EPHB1: variants seen among roughly 807,000 people sequenced by gnomAD.
EPHB1 encodes the protein EPH receptor B1, also known as ephrin type-B receptor 1.
Under a neutral mutation model 94.4 loss-of-function variants are expected in EPHB1, and 30 were observed. The ratio of observed to expected loss-of-function variants is 0.32; its 90% CI spans 0.24 to 0.43. The LOEUF (loss-of-function observed/expected upper bound fraction) is 0.43, where lower values mean the gene tolerates loss of function less well. EPHB1 is among the 20% of genes least tolerant of loss of function. The probability of loss-of-function intolerance (pLI) is 1.00; values close to 1 mark genes in which losing one functional copy is unlikely to be tolerated. For synonymous variants in EPHB1, 522 were observed against 489.1 expected, an observed-to-expected ratio of 1.07 and a Z score of -0.89; for missense variants, 1,055 against 1,308.3, an observed-to-expected ratio of 0.81 and a Z score of 2.99.
At chr3:135,230,233 C>T (rs929399549) in intron 12 of EPHB1, among the ~76,000 whole-genome samples, 4 of 152,192 alleles carry the variant, frequency 2.6e-5, no homozygotes, top group Non-Finnish European at 4.4e-5. Context: ...GTTCCATGGT[C>T]CTCCATGCCA....
chr3:135,136,325 A>G (rs899713907), intron 5 of EPHB1, among the ~76,000 whole-genome samples: 2 of 152,182 alleles, frequency 1.3e-5, no homozygotes, highest in African/African-American at 2.4e-5. Flanking sequence ...ATCTTCTCCC[A>G]TCATGACCCC....
intron 1 of EPHB1, among the ~76,000 whole-genome samples, chr3:134,799,811 A>G (rs2035902191): frequency 1.3e-5 from 2 of 152,210 alleles, no homozygotes. Context: ...AGAAAAGCCC[A>G]TGAGGCAGAG....
intron 9 of EPHB1, among the ~76,000 whole-genome samples, chr3:135,168,029 C>T (rs747246567): frequency 6.6e-6 from 1 of 152,204 alleles, no homozygotes; most frequent in Non-Finnish European, 1.5e-5. Flanking sequence ...CTAAGGTTAC[C>T]CAAGGCGGGA....
At chr3:135,155,683 G>A (rs1030451620) in intron 6 of EPHB1, among the ~76,000 whole-genome samples, 15 of 143,404 alleles carry the variant, frequency 1.0e-4, no homozygotes, top group African/African-American at 3.4e-4. Context: ...CAGGCTACTC[G>A]GGAGGCTGAG....
intron 1 of EPHB1, among the ~76,000 whole-genome samples, chr3:134,819,821 C>A (rs777506080): frequency 2.0e-5 from 3 of 152,300 alleles, no homozygotes; most frequent in Non-Finnish European, 4.4e-5. Flanking sequence ...TCTTTTCTAG[C>A]CCGGTCTTGC....
At chr3:134,821,290 T>G (rs1420030375) in intron 1 of EPHB1, among the ~76,000 whole-genome samples, 2 of 152,180 alleles carry the variant, frequency 1.3e-5, no homozygotes, top group African/African-American at 4.8e-5. Context: ...AACACCCTCA[T>G]GGAAGCACAC....
At chr3:135,168,615 T>C (rs912016476) in intron 9 of EPHB1, among the ~76,000 whole-genome samples, 1 of 152,176 alleles carries the variant, frequency 6.6e-6, no homozygotes, top group African/African-American at 2.4e-5. Flanking sequence ...GATGGTGCAC[T>C]CACCAGGGTG....
intron 11 of EPHB1, among the ~76,000 whole-genome samples, chr3:135,198,105 T>C (rs1227515082): frequency 1.3e-5 from 2 of 152,182 alleles, no homozygotes; most frequent in Non-Finnish European, 2.9e-5. Context: ...AAGACCCAGA[T>C]AAGAGTAGCA....
At position 135,078,968 on chromosome 3, in the gene EPHB1, A is replaced by G. The variant is rs1304906052; in HGVS notation, c.806-27480A>G. ...CTCATTGGGAGGTCATTGGGATAAG[A>G]GTTCTTGTGAGCAGACAGCACAATG... On this transcript the variant is annotated intron_variant, in intron 3 of 15. Transcript: ENST00000398015. Among the ~76,000 whole-genome samples the G allele has an allele frequency of 2.0e-5, 3 of 152,108 alleles. No individual in the cohort carries two copies. In the East Asian group the frequency reaches 5.8e-4, roughly 29 times the overall value.
At chr3:135,157,764 G>A (rs1423967069) in intron 6 of EPHB1, among the ~76,000 whole-genome samples, 3 of 152,206 alleles carry the variant, frequency 2.0e-5, no homozygotes, top group Non-Finnish European at 2.9e-5. Flanking sequence ...TAGCCCATGA[G>A]GGCCTTTTGA....
At chr3:134,882,357 A>G (rs574478991) in intron 1 of EPHB1, among the ~76,000 whole-genome samples, 1 of 152,380 alleles carries the variant, frequency 6.6e-6, no homozygotes, top group East Asian at 1.9e-4. Flanking sequence ...AAATGGACTC[A>G]GAAAATACAA....
chr3:134,800,923 G>C (rs2035923035), intron 1 of EPHB1, among the ~76,000 whole-genome samples: 1 of 152,242 alleles, frequency 6.6e-6, no homozygotes, highest in South Asian at 2.1e-4. Flanking sequence ...CAGCTAGTAA[G>C]TGGCCAAGCC....
chr3:134,799,404 A>G (rs1578093844), intron 1 of EPHB1, among the ~76,000 whole-genome samples: 1 of 152,244 alleles, frequency 6.6e-6, no homozygotes, highest in East Asian at 1.9e-4. Context: ...AAGAAAAGCA[A>G]ATTTGAGAAA....
intron 1 of EPHB1, among the ~76,000 whole-genome samples, chr3:134,920,922 GT>G (rs570621010): frequency 5.4e-5 from 8 of 149,152 alleles, no homozygotes; most frequent in East Asian, 2.0e-4. Context: ...TCTCTGTCAG[GT>G]TTTTTTTTTG....
intron 3 of EPHB1, among the ~76,000 whole-genome samples, chr3:134,985,330 T>G (rs890870464): frequency 6.6e-6 from 1 of 152,152 alleles, no homozygotes; most frequent in Non-Finnish European, 1.5e-5. Flanking sequence ...GGCTAATTTT[T>G]GTATTTTTAG....
intron 4 of EPHB1, among the ~76,000 whole-genome samples, chr3:135,113,015 T>C (rs994311697): frequency 6.6e-6 from 1 of 152,234 alleles, no homozygotes; most frequent in African/African-American, 2.4e-5. Flanking sequence ...ATTACCCCGA[T>C]ATGTAATCCA....
At chr3:135,151,319 T>G (rs578009843) in intron 5 of EPHB1, among the ~76,000 whole-genome samples, 1 of 152,262 alleles carries the variant, frequency 6.6e-6, no homozygotes, top group South Asian at 2.1e-4. Context: ...GACTCCTCTC[T>G]TCTGGGTCCC....
chr3:135,090,653 C>G lies in EPHB1; in HGVS notation c.806-15795C>G, dbSNP rs139356529. Among the ~76,000 whole-genome samples, 4 of 152,192 alleles carry G rather than the reference C, an allele frequency of 2.6e-5. No individual in the cohort carries two copies. The South Asian group carries it at 8.3e-4, about 31-fold the overall frequency. ...TCCATGACCTTGGACAGGCCACTTT[C>G]CTCTAAATAATCTGCTTAGGGAGGT... On this transcript the variant is annotated intron_variant, in intron 3 of 15. Coordinates refer to ENST00000398015, the MANE Select transcript of EPHB1 (RefSeq NM_004441.5).
At chr3:135,091,996 G>A (rs376894780) in intron 3 of EPHB1, among the ~76,000 whole-genome samples, 8 of 152,062 alleles carry the variant, frequency 5.3e-5, no homozygotes, top group African/African-American at 1.4e-4. Flanking sequence ...TTTTTTAAAC[G>A]GAATCCATTA....
Sources: allele counts gnomAD v4.1 joint callset (sites outside exome capture counted in the v4.1 genomes callset), GRCh38; gene constraint gnomAD v4.1.1; transcripts MANE v1.5; gene names NCBI Gene and HGNC (gene_info 2026-07-23, HGNC 2026-07-21).